Variants in ZNF469 observed in about 807,000 individuals in gnomAD.
ZNF469 encodes zinc finger protein 469.
A neutral mutation model predicts 1.0 loss-of-function variants in ZNF469; 1 was observed. The observed-to-expected ratio is 1.00, with a 90% CI of 0.35 to 4.73. The LOEUF is 4.73. ZNF469 is among the 30% of genes most tolerant of loss of function. The probability of loss-of-function intolerance (pLI) is 0.16; values close to 1 mark genes in which losing one functional copy is unlikely to be tolerated. For synonymous variants in ZNF469, 2,703 were observed against 2,363.4 expected (o/e 1.14, Z -4.17); for missense variants, 6,100 against 5,356.3 (o/e 1.14, Z -4.33).
chr16:88,352,803 GC>G, the ZNF469 span, among the ~76,000 whole-genome samples: 1 of 152,196 alleles, frequency 6.6e-6, no homozygotes, highest in Non-Finnish European at 1.5e-5. Context: ...GCATATGGCT[GC>G]CCCGGCCTCA....
At chr16:88,387,452 C>T (rs1344176136) in intron 1 of ZNF469, among the ~76,000 whole-genome samples, 1 of 152,154 alleles carries the variant, frequency 6.6e-6, no homozygotes, top group African/African-American at 2.4e-5. Flanking sequence ...TCAAAGCATG[C>T]CCCACCCCCT....
chr16:88,114,434 G>T, the ZNF469 span, among the ~76,000 whole-genome samples: 1 of 149,428 alleles, frequency 6.7e-6, no homozygotes, highest in Non-Finnish European at 1.5e-5. Context: ...CACTGCGGGG[G>T]TCTCCGGGGA....
chr16:88,213,625 G>A, the ZNF469 span, among the ~76,000 whole-genome samples: 1 of 152,116 alleles, frequency 6.6e-6, no homozygotes, highest in Non-Finnish European at 1.5e-5. Flanking sequence ...TACTCATCAC[G>A]ATGCCATTTC....
At chr16:88,367,714 A>G in the ZNF469 span, among the ~76,000 whole-genome samples, 1 of 152,204 alleles carries the variant, frequency 6.6e-6, no homozygotes, top group East Asian at 1.9e-4. Context: ...CTTGGGCACC[A>G]TCCTGAGCCT....
chr16:88,279,693 C>T, the ZNF469 span, among the ~76,000 whole-genome samples: 1 of 146,922 alleles, frequency 6.8e-6, no homozygotes, highest in South Asian at 2.2e-4. Flanking sequence ...CACTGACACT[C>T]GGTCAGTACC....
At chr16:88,157,162 C>T in the ZNF469 span, among the ~76,000 whole-genome samples, 4 of 151,032 alleles carry the variant, frequency 2.6e-5, no homozygotes, top group Non-Finnish European at 4.4e-5. Flanking sequence ...AGGCAGCCGG[C>T]GCCACCGAGG....
At chr16:88,335,327 G>A in the ZNF469 span, among the ~76,000 whole-genome samples, 1 of 152,244 alleles carries the variant, frequency 6.6e-6, no homozygotes, top group Admixed American at 6.5e-5. Flanking sequence ...CAGGAATGCA[G>A]GCAGGGCTGG....
the ZNF469 span, among the ~76,000 whole-genome samples, chr16:88,204,126 G>T: frequency 3.3e-5 from 5 of 149,418 alleles, no homozygotes; most frequent in Admixed American, 2.0e-4. Context: ...CAGAGCAGCC[G>T]GAGGCGCTCC....
chr16:88,184,931 C>T, the ZNF469 span, among the ~76,000 whole-genome samples: 1 of 151,902 alleles, frequency 6.6e-6, no homozygotes. Flanking sequence ...CTGTTATGCA[C>T]AGACCCTCAC....
At position 88,439,443 on chromosome 16, in the gene ZNF469, G is replaced by A; in HGVS notation, c.*111G>A. The A allele has an allele frequency of 1.7e-6, 2 of 1,200,214 alleles. No individual in the cohort carries two copies. Among genetic ancestry groups the A allele is most frequent in the East Asian group, 2.5e-5 (1 of 39,334 alleles). The allele number at this position is 1,200,214 out of a possible 1,614,324, so 74.3% of individuals were successfully genotyped here. ...CCACTCTGTGGCCACTTGACTTCTT[G>A]TGCAACTGCTCAGGCCTTGATGTCA... is the stretch of plus-strand genomic sequence containing the variant. On this transcript the variant is annotated 3_prime_UTR_variant, in exon 3 of 3. Coordinates refer to ENST00000565624, the MANE Select transcript of ZNF469 (RefSeq NM_001367624.2).
At chr16:88,187,548 ACTG>A in the ZNF469 span, among the ~76,000 whole-genome samples, 1 of 152,048 alleles carries the variant, frequency 6.6e-6, no homozygotes, top group African/African-American at 2.4e-5. Flanking sequence ...GACCCCAACA[ACTG>A]CTCCCCACAG....
chr16:88,353,023 C>A, the ZNF469 span, among the ~76,000 whole-genome samples: 1 of 152,158 alleles, frequency 6.6e-6, no homozygotes, highest in Non-Finnish European at 1.5e-5. Context: ...CCAGGCAGGC[C>A]CCGGTGAGAC....
At position 88,428,317 on chromosome 16, in the gene ZNF469, G is replaced by A. The variant is rs923941982; in HGVS notation, c.847G>A (p.Ala283Thr). 1.9e-6 allele frequency: 3 copies of A among 1,550,182 alleles called. No individual in the cohort carries two copies. In the South Asian group the frequency reaches 3.6e-5, roughly 18 times the overall value. ...FQFPFPALHGASTKPFPADVA... is the reference protein window; with the variant it reads ...FQFPFPALHGTSTKPFPADVA... ...GTTCCCCTTCCCGGCACTGCATGGG[G>A]CCAGCACAAAACCCTTCCCTGCGGA... Residue 283 changes from alanine to threonine, a missense_variant, in exon 3 of 3, where the codon GCC becomes ACC. Ala to Thr is a moderately conservative substitution (Grantham distance 58). Coordinates refer to ENST00000565624, the MANE Select transcript of ZNF469 (RefSeq NM_001367624.2).
At chr16:88,180,774 AAAACAAAC>A in the ZNF469 span, among the ~76,000 whole-genome samples, 5 of 148,932 alleles carry the variant, frequency 3.4e-5, no homozygotes, top group African/African-American at 1.2e-4. Context: ...TCTGTCTCAA[AAAACAAAC>A]AAACAAACAA....
the ZNF469 span, among the ~76,000 whole-genome samples, chr16:88,268,397 C>T: frequency 3.9e-5 from 6 of 152,172 alleles, no homozygotes; most frequent in African/African-American, 1.2e-4. Context: ...TGTGTTCTGT[C>T]CCAGGACCCC....
the ZNF469 span, among the ~76,000 whole-genome samples, chr16:88,328,777 G>A: frequency 2.0e-5 from 3 of 152,188 alleles, no homozygotes; most frequent in Non-Finnish European, 2.9e-5. Context: ...GTCTAGGGAG[G>A]GCTGCTTCCC....
At chr16:88,302,041 G>A in the ZNF469 span, among the ~76,000 whole-genome samples, 2 of 152,212 alleles carry the variant, frequency 1.3e-5, no homozygotes, top group Non-Finnish European at 2.9e-5. Context: ...GCAGGGCTGA[G>A]CCTGGCTCAC....
the ZNF469 span, among the ~76,000 whole-genome samples, chr16:88,308,421 A>T: frequency 6.6e-6 from 1 of 152,212 alleles, no homozygotes; most frequent in Non-Finnish European, 1.5e-5. Flanking sequence ...TTTTAAAATC[A>T]TCTGATTCTT....
At chr16:88,128,593 AC>A in the ZNF469 span, among the ~76,000 whole-genome samples, 2 of 152,142 alleles carry the variant, frequency 1.3e-5, no homozygotes, top group Admixed American at 6.5e-5. Context: ...GTGAAAGCCC[AC>A]AGCTCAGACA....
Sources: allele counts gnomAD v4.1 joint callset (sites outside exome capture counted in the v4.1 genomes callset), GRCh38; gene constraint gnomAD v4.1.1; transcripts MANE v1.5; gene names NCBI Gene and HGNC (gene_info 2026-07-23, HGNC 2026-07-21).